TSPAN1: variants seen among roughly 807,000 people sequenced by gnomAD.
TSPAN1 encodes the protein tetraspanin-1.
Under a neutral mutation model 26.9 loss-of-function variants are expected in TSPAN1, and 23 were observed. The ratio of observed to expected loss-of-function variants is 0.85; its 90% confidence interval spans 0.62 to 1.21. The LOEUF (loss-of-function observed/expected upper bound fraction) is 1.21, where lower values mean the gene tolerates loss of function less well. TSPAN1 is among the 50% of genes most tolerant of loss of function. The pLI is 0.00. For missense variants in TSPAN1, 283 were observed against 298.4 expected (o/e 0.95, Z 0.38); for synonymous variants, 115 against 114.8 (o/e 1.00, Z -0.01).
At chr1:46,178,890 TG>T (rs1657247460) in intron 1 of TSPAN1, among the ~76,000 whole-genome samples, 1 of 152,180 alleles carries the variant, frequency 6.6e-6, no homozygotes, top group Non-Finnish European at 1.5e-5. Context: ...GGGATGGTTG[TG>T]AAGAGGAAAA....
intron 1 of TSPAN1, 116 bp from the exon 2 acceptor site, chr1:46,180,410 G>A (rs1346528377): frequency 6.6e-6 from 1 of 152,590 alleles, no homozygotes; most frequent in Non-Finnish European, 1.5e-5. Flanking sequence ...GGCAGTGGTT[G>A]TGGGGATCGG....
Position 46,184,655 on chromosome 1 carries a change from T to C in TSPAN1, c.326T>C (p.Val109Ala), listed in dbSNP as rs1359626316. The change falls in exon 5 of 9, where the codon GTG becomes GCG. Residue 109 changes from valine (V) to alanine (A), a missense_variant. Coordinates refer to ENST00000372003, the MANE Select transcript of TSPAN1 (RefSeq NM_005727.4). ...GTTGCAGCTGCTGTGGTCGCCTTGG[T>C]GTACACCACAATGGTGAGACACTGG... ...AEVAAAVVAL[V>A]YTTMAEHFLT... is the part of the protein sequence containing the mutation. 14 of 1,613,990 alleles carry C rather than the reference T, an allele frequency of 8.7e-6. No individual in the cohort carries two copies. Among genetic ancestry groups the C allele is most frequent in the African/African-American group, 2.7e-5 (2 of 74,920 alleles).
At chr1:46,192,028 G>A in the TSPAN1 span, 18 of 1,529,354 alleles carry the variant, frequency 1.2e-5, no homozygotes, top group South Asian at 2.1e-4. Context: ...AGCTAAGATT[G>A]CTTCAGAGTC....
At chr1:46,181,232 A>C in intron 3 of TSPAN1, 68 bp downstream of exon 3, 7 of 1,466,346 alleles carry the variant, frequency 4.8e-6, no homozygotes, top group Non-Finnish European at 6.6e-6. Context: ...AGTAGAGACT[A>C]AGCTGGGGAA....
the TSPAN1 span, chr1:46,192,098 G>A: frequency 2.4e-5 from 38 of 1,613,582 alleles, no homozygotes; most frequent in East Asian, 1.1e-4. Flanking sequence ...TCCCACTCAC[G>A]TGAAAGTAGC....
downstream of TSPAN1, among the ~76,000 whole-genome samples, chr1:46,186,671 T>TTC (rs1557666537): frequency 1.4e-5 from 2 of 140,594 alleles, no homozygotes; most frequent in East Asian, 4.1e-4. Context: ...TGTGTTTTTT[T>TTC]TTTTTTTTTT....
chr1:46,184,333 T>C lies in TSPAN1; in HGVS notation c.200T>C (p.Val67Ala), dbSNP rs1657377238. 2.5e-6 allele frequency: 4 copies of C among 1,614,136 alleles called. No individual in the cohort carries two copies. Among genetic ancestry groups the C allele is most frequent in the East Asian group, 4.5e-5 (2 of 44,882 alleles). The change falls in exon 4 of 9, where the codon GTC (valine) becomes GCC (alanine). Residue 67 changes from valine to alanine, a missense_variant. Coordinates refer to ENST00000372003, the MANE Select transcript of TSPAN1 (RefSeq NM_005727.4). ...GYFLIAAGVV[V>A]FALGFLGCYG... The stretch of plus-strand genomic sequence containing the variant: ...TTCCTCATCGCAGCCGGCGTTGTGG[T>C]CTTTGCTCTTGGTTTCCTGGGCTGC...
At chr1:46,195,059 G>A in the TSPAN1 span, 1 of 1,033,224 alleles carries the variant, frequency 9.7e-7, no homozygotes, top group South Asian at 1.3e-5. Context: ...ACTTAAAATA[G>A]CTCATTACAT....
the TSPAN1 span, chr1:46,193,139 C>T: frequency 3.7e-6 from 6 of 1,613,870 alleles, no homozygotes; most frequent in East Asian, 2.2e-5. Context: ...TGTTTCCCCC[C>T]TCCCAGGCCC....
Position 46,179,314 on chromosome 1 carries a change from GAA to G in TSPAN1, c.-141-1196_-141-1195del, listed in dbSNP as rs746283866. Among the ~76,000 whole-genome samples the G allele has an allele frequency of 1.5e-3, 189 of 126,500 alleles. 5 individuals are homozygous for G. In the East Asian group the frequency reaches 0.024, roughly 16 times the overall value. The allele number at this position is 126,500 out of a possible 152,430, so 83.0% of individuals were successfully genotyped here. Reference sequence around the variant, plus strand: ...GGCAACAGAGCAAGACCCTGTCTCAGAAAAAAAAAAAAAAAAATCAACTTCCT... The same window carrying G: ...GGCAACAGAGCAAGACCCTGTCTCAGAAAAAAAAAAAAAAATCAACTTCCT... On this transcript the variant is annotated intron_variant, in intron 1 of 8. Coordinates refer to ENST00000372003, the MANE Select transcript of TSPAN1 (RefSeq NM_005727.4).
At chr1:46,189,477 C>A, downstream of TSPAN1, 1 of 1,613,556 alleles carries the variant, frequency 6.2e-7, no homozygotes, top group Middle Eastern at 1.7e-4. Context: ...GAAGCCGGGA[C>A]CCCCACCATC....
the TSPAN1 span, among the ~76,000 whole-genome samples, chr1:46,195,232 A>G: frequency 2.0e-5 from 3 of 149,194 alleles, no homozygotes; most frequent in Admixed American, 6.7e-5. Context: ...CCACTCTCCT[A>G]CTCTCCTCCC....
intron 1 of TSPAN1, chr1:46,176,553 A>T: frequency 6.8e-7 from 1 of 1,477,646 alleles, no homozygotes; most frequent in Non-Finnish European, 9.0e-7. Flanking sequence ...CAAAGTCTGC[A>T]TAAGGGCAGG....
At chr1:46,188,652 C>T, downstream of TSPAN1, 11 of 1,556,490 alleles carry the variant, frequency 7.1e-6, no homozygotes, top group Non-Finnish European at 8.7e-6. Context: ...CAGCACCCCC[C>T]TGACACACAA....
At chr1:46,193,898 G>A in the TSPAN1 span, 3 of 1,614,174 alleles carry the variant, frequency 1.9e-6, no homozygotes, top group Non-Finnish European at 2.5e-6. Flanking sequence ...ACAGCCACAG[G>A]CACATTGAGG....
At chr1:46,194,169 T>C in the TSPAN1 span, 1 of 1,600,288 alleles carries the variant, frequency 6.2e-7, no homozygotes, top group Admixed American at 1.7e-5. Context: ...TGCCCCTGGT[T>C]CTCTCCCAGG....
At chr1:46,191,069 T>C in the TSPAN1 span, 1 of 401,096 alleles carries the variant, frequency 2.5e-6, no homozygotes, top group African/African-American at 2.1e-5. Context: ...TAGTTCTCCC[T>C]GGGCCTGCTG....
chr1:46,192,008 C>T, the TSPAN1 span: 2 of 1,489,780 alleles, frequency 1.3e-6, no homozygotes, highest in Non-Finnish European at 1.8e-6. Flanking sequence ...ACATGGCTAG[C>T]AAGTAGCAGA....
At chr1:46,196,094 A>G in the TSPAN1 span, 8 of 1,613,748 alleles carry the variant, frequency 5.0e-6, no homozygotes, top group African/African-American at 6.7e-5. The surrounding 1 kb of genome is among the most constrained non-coding windows in gnomAD (Gnocchi z 4.4). Context: ...AGTGGCAGAG[A>G]CAAAGTCCAG....
Sources: allele counts gnomAD v4.1 joint callset (sites outside exome capture counted in the v4.1 genomes callset), GRCh38; gene constraint gnomAD v4.1.1; non-coding constraint Gnocchi (gnomAD v3.1); transcripts MANE v1.5; gene names NCBI Gene and HGNC (gene_info 2026-07-23, HGNC 2026-07-21).